ARMC2: variants seen among roughly 807,000 people sequenced by gnomAD.
ARMC2 encodes the protein armadillo repeat containing 2.
ARMC2 carries 67 observed loss-of-function variants against 90.3 expected under a neutral mutation model. The ratio of observed to expected loss-of-function variants is 0.74; its 90% CI spans 0.61 to 0.91. The LOEUF is 0.91. Ranked by LOEUF, ARMC2 falls within the 40% of genes least tolerant of loss-of-function variation. ARMC2 has a pLI of 0.00. For synonymous variants in ARMC2, 393 were observed against 393.0 expected (o/e 1.00, Z 0.00); for missense variants, 920 against 1,030.9 (o/e 0.89, Z 1.47).
chr6:109,003,119 T>C, the ARMC2 span, among the ~76,000 whole-genome samples: 2 of 151,982 alleles, frequency 1.3e-5, no homozygotes, highest in African/African-American at 4.8e-5. Context: ...TCCCTCACCC[T>C]CCCCATATAG....
chr6:108,963,199 C>A (rs1231766754), intron 15 of ARMC2, among the ~76,000 whole-genome samples: 7 of 151,912 alleles, frequency 4.6e-5, no homozygotes, highest in Admixed American at 6.5e-5. Context: ...ATGTTTATAC[C>A]CTTTGTATGT....
the ARMC2 span, among the ~76,000 whole-genome samples, chr6:109,046,754 G>T: frequency 7.3e-6 from 1 of 137,248 alleles, no homozygotes; most frequent in African/African-American, 2.7e-5. Flanking sequence ...GGGTTGTGAG[G>T]AGTGCCTCTG....
At chr6:108,972,207 T>C (rs1226527745) in intron 17 of ARMC2, among the ~76,000 whole-genome samples, 3 of 152,242 alleles carry the variant, frequency 2.0e-5, no homozygotes, top group Non-Finnish European at 2.9e-5. Context: ...CCTACCTGGA[T>C]TGAATATATT....
At chr6:108,907,780 A>G in intron 8 of ARMC2, 1 of 1,610,752 alleles carries the variant, frequency 6.2e-7, no homozygotes, top group East Asian at 2.2e-5. Flanking sequence ...AAATGCCACT[A>G]GGGCTGAAGT....
chr6:109,020,855 TATC>T, the ARMC2 span, among the ~76,000 whole-genome samples: 1 of 152,232 alleles, frequency 6.6e-6, no homozygotes, highest in Non-Finnish European at 1.5e-5. Context: ...TTTCTGTGAC[TATC>T]ATCATGAACA....
Position 108,869,138 on chromosome 6 carries a change from C to CTATGAACAA in ARMC2, c.463+145_463+146insTGAACAATA, listed in dbSNP as rs896648116. On this transcript the variant is annotated intron_variant, in intron 4 of 17. Transcript: ENST00000392644. Reference sequence around the variant, plus strand: ...TTAGTTAATATTGGGCAAAAGCTGGCTAAGAAACATTGTTCATATATTTTT... The same window carrying CTATGAACAA: ...TTAGTTAATATTGGGCAAAAGCTGGCTATGAACAATAAGAAACATTGTTCATATATTTTT... 5.8e-6 allele frequency: 5 copies of CTATGAACAA among 865,564 alleles called. No individual in the cohort carries two copies. In the African/African-American group the frequency reaches 8.7e-5, roughly 15 times the overall value. 53.6% of individuals were successfully genotyped at this position (865,564 alleles called of 1,614,324 possible). A position where few individuals can be genotyped will look rare whatever the true frequency, so the allele number is the denominator to read the frequency against.
intron 17 of ARMC2, among the ~76,000 whole-genome samples, chr6:108,972,559 CAT>C (rs1778829328): frequency 6.6e-6 from 1 of 152,160 alleles, no homozygotes; most frequent in Non-Finnish European, 1.5e-5. Flanking sequence ...AAGGAAGTAA[CAT>C]ATTAATACGT....
At chr6:109,039,545 T>G in the ARMC2 span, among the ~76,000 whole-genome samples, 1 of 152,232 alleles carries the variant, frequency 6.6e-6, no homozygotes, top group Non-Finnish European at 1.5e-5. Flanking sequence ...TACTGAGTAC[T>G]GCCAGCAAGC....
At chr6:108,900,468 T>C (rs1200400204) in intron 7 of ARMC2, among the ~76,000 whole-genome samples, 2 of 152,222 alleles carry the variant, frequency 1.3e-5, no homozygotes, top group African/African-American at 4.8e-5. Context: ...GCAGTGGTCA[T>C]AGCCCTAGGG....
Position 108,925,373 on chromosome 6 carries a change from G to A in ARMC2, c.1351-2715G>A, listed in dbSNP as rs147599191. ...TTCCATTAATAAATGCCTATTGAGC[G>A]CCCACCATGTACCAGGCACTGGACT... On this transcript the variant is annotated intron_variant, in intron 10 of 17. Coordinates refer to ENST00000392644, the MANE Select transcript of ARMC2 (RefSeq NM_032131.6). Among the ~76,000 whole-genome samples, 578 of 152,250 alleles carry A rather than the reference G, an allele frequency of 3.8e-3. 8 individuals carry two copies. Among genetic ancestry groups the A allele is most frequent in the African/African-American group, 0.013 (546 of 41,530 alleles).
intron 13 of ARMC2, among the ~76,000 whole-genome samples, chr6:108,955,603 T>C (rs1252879350): frequency 6.6e-6 from 1 of 152,138 alleles, no homozygotes; most frequent in African/African-American, 2.4e-5. Context: ...GAAACGACTC[T>C]TCACTTCTGA....
At chr6:108,965,183 T>C in intron 17 of ARMC2, 43 bp downstream of exon 17, 1 of 1,536,182 alleles carries the variant, frequency 6.5e-7, no homozygotes, top group East Asian at 2.3e-5. Context: ...TTTATCAGAG[T>C]GTGAGATAGT....
At chr6:109,038,001 G>C in the ARMC2 span, among the ~76,000 whole-genome samples, 1 of 152,122 alleles carries the variant, frequency 6.6e-6, no homozygotes, top group African/African-American at 2.4e-5. Flanking sequence ...TCAAACCTTA[G>C]GTAGGCATTT....
chr6:108,950,820 C>A (rs972853590), intron 12 of ARMC2, among the ~76,000 whole-genome samples: 1 of 152,150 alleles, frequency 6.6e-6, no homozygotes, highest in African/African-American at 2.4e-5. Context: ...CTGCCCAACC[C>A]CATGCTCCCT....
At chr6:108,903,370 T>G (rs148697181) in intron 7 of ARMC2, among the ~76,000 whole-genome samples, 1 of 152,228 alleles carries the variant, frequency 6.6e-6, no homozygotes, top group Non-Finnish European at 1.5e-5. Flanking sequence ...CCTCCCAAAG[T>G]GCTGGATTTA....
intron 16 of ARMC2, among the ~76,000 whole-genome samples, chr6:108,964,531 T>C (rs1433414819): frequency 6.6e-6 from 1 of 152,116 alleles, no homozygotes; most frequent in Non-Finnish European, 1.5e-5. Context: ...CCCAGCATTT[T>C]GGGAGGCCGA....
At chr6:108,992,483 T>C in the ARMC2 span, among the ~76,000 whole-genome samples, 2 of 152,144 alleles carry the variant, frequency 1.3e-5, no homozygotes, top group African/African-American at 2.4e-5. Flanking sequence ...TCTGGTAAAA[T>C]AGTTATTATT....
At chr6:108,859,041 G>C (rs994026792) in intron 3 of ARMC2, among the ~76,000 whole-genome samples, 9 of 152,306 alleles carry the variant, frequency 5.9e-5, no homozygotes, top group Middle Eastern at 3.4e-3. Flanking sequence ...CATAAACCCT[G>C]TTCATAGCTG....
intron 10 of ARMC2, among the ~76,000 whole-genome samples, chr6:108,926,671 GC>G (rs1775130242): frequency 6.6e-6 from 1 of 152,116 alleles, no homozygotes; most frequent in Admixed American, 6.6e-5. Flanking sequence ...GTTGCAGTGA[GC>G]TGAGATCCTG....
Sources: gnomAD v4.1 joint callset for allele counts (sites outside exome capture counted in the v4.1 genomes callset) on GRCh38, gnomAD v4.1.1 for gene constraint, MANE v1.5 for transcripts, NCBI Gene and HGNC (gene_info 2026-07-23, HGNC 2026-07-21) for gene names.